Variants in KIAA1217 observed in about 807,000 individuals in gnomAD.
The protein encoded by KIAA1217 is KIAA1217, also known as sickle tail protein homolog.
A neutral mutation model predicts 163.9 loss-of-function variants in KIAA1217; 88 were observed. The observed-to-expected ratio is 0.54, with a 90% CI of 0.45 to 0.64. The LOEUF (loss-of-function observed/expected upper bound fraction) is 0.64. Ranked by LOEUF, KIAA1217 falls within the 30% of genes least tolerant of loss-of-function variation. The pLI is 0.00. For synonymous variants in KIAA1217, 903 were observed against 923.1 expected (o/e 0.98, Z 0.39); for missense variants, 2,372 against 2,475.0 (o/e 0.96, Z 0.88).
chr10:24,123,492 C>A (rs1329429055), intron 2 of KIAA1217, among the ~76,000 whole-genome samples: 1 of 152,052 alleles, frequency 6.6e-6, no homozygotes, highest in East Asian at 1.9e-4. Context: ...GCTAGAATTT[C>A]TTGAGGGAAA....
intron 2 of KIAA1217, among the ~76,000 whole-genome samples, chr10:24,245,580 C>T (rs886724231): frequency 5.3e-5 from 8 of 152,126 alleles, no homozygotes; most frequent in Admixed American, 1.3e-4. Flanking sequence ...TTCATGAATG[C>T]CCCTCAGAAG....
intron 2 of KIAA1217, among the ~76,000 whole-genome samples, chr10:24,148,410 C>A (rs1657486064): frequency 6.6e-6 from 1 of 151,828 alleles, no homozygotes; most frequent in Non-Finnish European, 1.5e-5. Flanking sequence ...ATGTTTGTTC[C>A]CTCCAAATCT....
chr10:23,926,915 AT>A (rs1843045878), intron 1 of KIAA1217, among the ~76,000 whole-genome samples: 1 of 151,534 alleles, frequency 6.6e-6, no homozygotes, highest in South Asian at 2.1e-4. Context: ...TTATTTATTT[AT>A]TCTTTTTTTG....
intron 1 of KIAA1217, among the ~76,000 whole-genome samples, chr10:23,798,264 T>C (rs1288141908): frequency 6.6e-6 from 1 of 152,226 alleles, no homozygotes. Flanking sequence ...TTACCCTCGA[T>C]GGAAGCAATA....
intron 1 of KIAA1217, among the ~76,000 whole-genome samples, chr10:24,214,296 T>G (rs2068531965): frequency 6.6e-6 from 1 of 152,208 alleles, no homozygotes; most frequent in South Asian, 2.1e-4. Context: ...TGGCTTTGCA[T>G]GATTAAGGTT....
At chr10:24,428,565 C>T (rs1302013611) in intron 3 of KIAA1217, among the ~76,000 whole-genome samples, 2 of 152,150 alleles carry the variant, frequency 1.3e-5, no homozygotes, top group African/African-American at 2.4e-5. Flanking sequence ...CATCATCTAG[C>T]AAAAGCTCTT....
intron 2 of KIAA1217, among the ~76,000 whole-genome samples, chr10:24,039,448 G>GCCCC (rs1320770341): frequency 6.6e-5 from 10 of 152,248 alleles, no homozygotes; most frequent in Non-Finnish European, 1.3e-4. Flanking sequence ...GATATGCTGG[G>GCCCC]CAGCAGCAGT....
intron 5 of KIAA1217, among the ~76,000 whole-genome samples, chr10:24,439,049 A>T (rs1340710591): frequency 6.6e-6 from 1 of 152,198 alleles, no homozygotes; most frequent in East Asian, 1.9e-4. Flanking sequence ...TGATTTGGGA[A>T]CTAAAATTCT....
At position 23,777,028 on chromosome 10, in the gene KIAA1217, C is replaced by T. The variant is rs536808942; in HGVS notation, c.-321+81794C>T. Among the ~76,000 whole-genome samples the T allele has an allele frequency of 4.6e-5, 7 of 152,184 alleles. No homozygotes were observed. The South Asian group carries it at 1.5e-3, about 32-fold the overall frequency. ...TTCTTTAAGCATAGCCTGTGTTTTC[C>T]AAAATTTCTCTCATGAGCATATCAT... On this transcript the variant is annotated intron_variant, in intron 1 of 18. Transcript: ENST00000376462.
chr10:23,742,266 A>G (rs1175813616), intron 1 of KIAA1217, among the ~76,000 whole-genome samples: 2 of 152,144 alleles, frequency 1.3e-5, no homozygotes, highest in Admixed American at 1.3e-4. Flanking sequence ...TGAGGGGTAG[A>G]TGTCTGGAGG....
chr10:24,205,255 G>A (rs376500760), upstream of KIAA1217, among the ~76,000 whole-genome samples: 3 of 134,116 alleles, frequency 2.2e-5, no homozygotes, highest in South Asian at 2.4e-4. Context: ...TCAGGAGTTC[G>A]AGACCAGCCT....
chr10:24,090,631 G>A (rs1200887543), intron 2 of KIAA1217, among the ~76,000 whole-genome samples: 1 of 151,660 alleles, frequency 6.6e-6, no homozygotes, highest in African/African-American at 2.4e-5. Context: ...AAGAGGAGAA[G>A]TGATCTTTAA....
intron 1 of KIAA1217, among the ~76,000 whole-genome samples, chr10:23,938,475 A>G (rs760781276): frequency 6.6e-6 from 1 of 152,146 alleles, no homozygotes; most frequent in South Asian, 2.1e-4. Flanking sequence ...GTTTCAACCA[A>G]CTACAGACCA....
chr10:24,504,356 G>C (rs1376112819), intron 9 of KIAA1217, among the ~76,000 whole-genome samples: 1 of 152,140 alleles, frequency 6.6e-6, no homozygotes, highest in Non-Finnish European at 1.5e-5. Flanking sequence ...AAATAAGCAT[G>C]GTGTTTCCTA....
chr10:24,345,501 C>A (rs1026611843), intron 2 of KIAA1217, among the ~76,000 whole-genome samples: 4 of 152,130 alleles, frequency 2.6e-5, no homozygotes, highest in Non-Finnish European at 4.4e-5. Context: ...ACTAACGGGA[C>A]CATTAGAATA....
chr10:24,516,965 G>A (rs943134878), intron 10 of KIAA1217, among the ~76,000 whole-genome samples: 1 of 152,052 alleles, frequency 6.6e-6, no homozygotes, highest in African/African-American at 2.4e-5. Flanking sequence ...TTCAAGACCA[G>A]CCTGGGCAAC....
chr10:23,738,628 A>G (rs1345202714), intron 1 of KIAA1217, among the ~76,000 whole-genome samples: 1 of 138,088 alleles, frequency 7.2e-6, no homozygotes, highest in South Asian at 2.2e-4. Context: ...TTTTTTTTCT[A>G]TTTCTTCAAA....
chr10:23,796,512 C>T (rs961411219), intron 1 of KIAA1217, among the ~76,000 whole-genome samples: 3 of 152,118 alleles, frequency 2.0e-5, no homozygotes, highest in African/African-American at 7.2e-5. Context: ...TACAGGTGTG[C>T]ACTACCACAC....
chr10:24,368,133 T>G (rs1289868711), intron 2 of KIAA1217, among the ~76,000 whole-genome samples: 2 of 152,244 alleles, frequency 1.3e-5, no homozygotes, highest in African/African-American at 4.8e-5. Flanking sequence ...ATCCCAATTC[T>G]GATGAGTGTT....
Sources: gnomAD v4.1 joint callset for allele counts (sites outside exome capture counted in the v4.1 genomes callset) on GRCh38, gnomAD v4.1.1 for gene constraint, MANE v1.5 for transcripts, NCBI Gene and HGNC (gene_info 2026-07-23, HGNC 2026-07-21) for gene names.